SP140: variants seen among roughly 807,000 people sequenced by gnomAD.
The protein encoded by SP140 is nuclear body protein SP140.
SP140 carries 81 observed loss-of-function variants against 125.0 expected under a neutral mutation model. The ratio of observed to expected loss-of-function variants is 0.65; its 90% CI spans 0.54 to 0.78. The LOEUF is 0.78. Among genes scored for constraint, SP140 ranks in the 30% least tolerant of loss-of-function variants. The probability of loss-of-function intolerance (pLI) is 0.00; values close to 1 mark genes in which losing one functional copy is unlikely to be tolerated. For synonymous variants in SP140, 312 were observed against 354.0 expected (o/e 0.88, Z 1.33); for missense variants, 858 against 1,037.0 (o/e 0.83, Z 2.37).
chr2:230,277,513 G>T (rs2054899990), intron 15 of SP140, among the ~76,000 whole-genome samples: 1 of 152,106 alleles, frequency 6.6e-6, no homozygotes, highest in African/African-American at 2.4e-5. Context: ...TCACTTTATT[G>T]CAGTGGTCTG....
intron 1 of SP140, among the ~76,000 whole-genome samples, chr2:230,231,766 G>A (rs1428954557): frequency 1.3e-5 from 2 of 151,994 alleles, no homozygotes; most frequent in African/African-American, 4.8e-5. Flanking sequence ...TAGTGCAGTG[G>A]CGTGGTCTCG....
At chr2:230,314,763 C>T (rs905499800), downstream of SP140, among the ~76,000 whole-genome samples, 1 of 152,204 alleles carries the variant, frequency 6.6e-6, no homozygotes, top group African/African-American at 2.4e-5. Context: ...TAATGTGTCT[C>T]AGACACTAAC....
intron 1 of SP140, among the ~76,000 whole-genome samples, chr2:230,234,607 T>A (rs2047711319): frequency 6.6e-6 from 1 of 152,230 alleles, no homozygotes. Context: ...GTTTATAGGT[T>A]TGCATCATTG....
At chr2:230,268,727 G>A (rs1304156682) in intron 12 of SP140, among the ~76,000 whole-genome samples, 4 of 152,146 alleles carry the variant, frequency 2.6e-5, no homozygotes, top group Non-Finnish European at 5.9e-5. Flanking sequence ...GTCAGAGTTC[G>A]AGTTGTTGTT....
chr2:230,298,276 T>G (rs188393300), intron 22 of SP140, among the ~76,000 whole-genome samples: 1 of 152,270 alleles, frequency 6.6e-6, no homozygotes, highest in East Asian at 1.9e-4. Flanking sequence ...AGATGTCTGT[T>G]TTAGGCCGGG....
intron 15 of SP140, among the ~76,000 whole-genome samples, chr2:230,281,453 G>A (rs548015514): frequency 2.5e-4 from 38 of 152,234 alleles, no homozygotes; most frequent in African/African-American, 7.9e-4. Flanking sequence ...CAAGTATTAA[G>A]TGTACCATTT....
chr2:230,251,163 G>A (rs1482185506), intron 10 of SP140, 102 bp downstream of exon 10: 2 of 903,122 alleles, frequency 2.2e-6, no homozygotes, highest in Non-Finnish European at 3.5e-6. Flanking sequence ...ATACTTCACA[G>A]TGAAAGAATG....
At chr2:230,272,820 C>T (rs968240612) in intron 15 of SP140, among the ~76,000 whole-genome samples, 5 of 152,064 alleles carry the variant, frequency 3.3e-5, no homozygotes, top group African/African-American at 1.2e-4. Context: ...CTTTGACAAA[C>T]CTGACAAAAA....
intron 22 of SP140, among the ~76,000 whole-genome samples, chr2:230,300,091 A>G (rs2058148255): frequency 6.6e-6 from 1 of 152,126 alleles, no homozygotes; most frequent in Admixed American, 6.5e-5. Context: ...CACCTGAGAA[A>G]ACCGAATACT....
chr2:230,237,525 CAATCTACTAATGGTAGCCATAATT>C lies in SP140; in HGVS notation c.237+268_237+291del, dbSNP rs1204473241. On this transcript the variant is annotated intron_variant, in intron 2 of 26. Coordinates refer to ENST00000392045, the MANE Select transcript of SP140 (RefSeq NM_007237.5). The surrounding 1 kb of genome is among the most constrained non-coding windows in gnomAD (Gnocchi z 5.4). ...GCAGATCATCCTAGGTACTTGTAAA[CAATCTACTAATGGTAGCCATAATT>C]AAAATAAATAAGTGACCTAGGCAGC... is the stretch of plus-strand genomic sequence containing the variant. 5 of 323,080 alleles carry C rather than the reference CAATCTACTAATGGTAGCCATAATT, an allele frequency of 1.5e-5. No homozygotes were observed. Among genetic ancestry groups the C allele is most frequent in the African/African-American group, 1.1e-4 (5 of 46,606 alleles). The allele number at this position is 323,080 out of a possible 1,614,324, so 20.0% of individuals were successfully genotyped here.
At chr2:230,260,213 T>C (rs903982874) in intron 12 of SP140, among the ~76,000 whole-genome samples, 1 of 152,232 alleles carries the variant, frequency 6.6e-6, no homozygotes, top group Admixed American at 6.5e-5. Flanking sequence ...AATTTTTTCA[T>C]ATGTTCATTG....
intron 22 of SP140, among the ~76,000 whole-genome samples, chr2:230,307,955 GTATATATATATATATATATATATA>G (rs60233854): frequency 4.1e-5 from 2 of 48,430 alleles, no homozygotes; most frequent in Admixed American, 4.6e-4. Flanking sequence ...GGACATGCAT[GTATATATATATATATATATATATA>G]TATATATATA....
At chr2:230,296,681 A>G (rs770816466) in intron 21 of SP140, among the ~76,000 whole-genome samples, 1 of 152,188 alleles carries the variant, frequency 6.6e-6, no homozygotes, top group Admixed American at 6.5e-5. Context: ...CATGGCCTCT[A>G]GGACTCTGAG....
chr2:230,217,199 T>C (rs1259383707), intron 3 of SP140, among the ~76,000 whole-genome samples: 2 of 142,968 alleles, frequency 1.4e-5, no homozygotes, highest in South Asian at 2.2e-4. Flanking sequence ...TAAGCCAAGA[T>C]TGTGCCACTG....
chr2:230,187,799 T>A, the SP140 span, among the ~76,000 whole-genome samples: 1 of 152,202 alleles, frequency 6.6e-6, no homozygotes, highest in South Asian at 2.1e-4. Flanking sequence ...ATCAGTTGGT[T>A]TTAAGTATTT....
chr2:230,202,286 C>T (rs2043259234), upstream of SP140, among the ~76,000 whole-genome samples: 1 of 152,140 alleles, frequency 6.6e-6, no homozygotes. Context: ...AACAGAAGCT[C>T]CTTAGGGTCC....
chr2:230,308,775 C>T (rs112985429), intron 22 of SP140, among the ~76,000 whole-genome samples: 9,888 of 152,302 alleles, frequency 0.065, 412 homozygotes, highest in Middle Eastern at 0.11. Context: ...GGAAACCTTA[C>T]CTGCAGCAGC....
At chr2:230,288,747 G>T (rs1031955749) in intron 18 of SP140, among the ~76,000 whole-genome samples, 2 of 151,986 alleles carry the variant, frequency 1.3e-5, no homozygotes, top group African/African-American at 4.8e-5. Flanking sequence ...GTGTTAGTTT[G>T]CCCAGAATGA....
chr2:230,237,674 T>C lies in SP140; in HGVS notation c.237+414T>C, dbSNP rs1421061091. The C allele has an allele frequency of 1.2e-5, 2 of 163,618 alleles. No homozygotes were observed. The highest frequency in any genetic ancestry group is 6.4e-5 in the Admixed American group (1 of 15,626). The allele number at this position is 163,618 out of a possible 1,614,324, so 10.1% of individuals were successfully genotyped here. On this transcript the variant is annotated intron_variant, in intron 2 of 26. Transcript: ENST00000392045. This position sits in a 1 kb window ranked among gnomAD's most constrained non-coding sequence, Gnocchi z 5.4. The stretch of plus-strand genomic sequence containing the variant: ...ATTTTAGGTTACATTTGGAAGTGGA[T>C]GCTTGCTACTGTCTCTCCAAATCAT...
Sources: gnomAD v4.1 joint callset for allele counts (sites outside exome capture counted in the v4.1 genomes callset) on GRCh38, gnomAD v4.1.1 for gene constraint, Gnocchi (gnomAD v3.1) non-coding constraint, MANE v1.5 for transcripts, NCBI Gene and HGNC (gene_info 2026-07-23, HGNC 2026-07-21) for gene names.